The following BICRA variants were observed in gnomAD, a reference collection of about 807,000 sequenced individuals.
The protein encoded by BICRA is BRD4-interacting chromatin-remodeling complex-associated protein.
A neutral mutation model predicts 96.9 loss-of-function variants in BICRA; 31 were observed. The observed-to-expected ratio is 0.32, with a 90% CI of 0.24 to 0.43. The LOEUF (loss-of-function observed/expected upper bound fraction) is 0.43, where lower values mean the gene tolerates loss of function less well. Ranked by LOEUF, BICRA falls within the 20% of genes least tolerant of loss-of-function variation. BICRA has a pLI of 1.00. For synonymous variants in BICRA, 1,350 were observed against 1,071.8 expected (o/e 1.26, Z -5.07); for missense variants, 2,283 against 2,190.3 (o/e 1.04, Z -0.84).
At chr19:47,614,824 A>G (rs1293384166) in intron 1 of BICRA, among the ~76,000 whole-genome samples, 1 of 151,930 alleles carries the variant, frequency 6.6e-6, no homozygotes, top group African/African-American at 2.4e-5. Context: ...GTGTTTCCAA[A>G]GGTTTCTGTG....
At chr19:47,664,999 C>A (rs1483561271) in intron 1 of BICRA, among the ~76,000 whole-genome samples, 1 of 152,148 alleles carries the variant, frequency 6.6e-6, no homozygotes, top group Non-Finnish European at 1.5e-5. Context: ...TTTGGGTCCG[C>A]AACCCTGCAT....
At chr19:47,609,375 CCTT>C in intron 1 of BICRA, among the ~76,000 whole-genome samples, 1 of 82,624 alleles carries the variant, frequency 1.2e-5, no homozygotes, top group South Asian at 4.5e-4. Flanking sequence ...CCCGCTGCCT[CCTT>C]TTTTTTTTTT....
chr19:47,686,574 A>G (rs1451912703), intron 7 of BICRA, among the ~76,000 whole-genome samples: 2 of 151,750 alleles, frequency 1.3e-5, no homozygotes, highest in Non-Finnish European at 2.9e-5. Context: ...AGTTGAGACA[A>G]GGTTTCACCA....
chr19:47,665,965 A>G (rs1189670916), intron 1 of BICRA, among the ~76,000 whole-genome samples: 3 of 152,220 alleles, frequency 2.0e-5, no homozygotes. Context: ...CTGTGGCCCA[A>G]AAGCTCTGGG....
At chr19:47,651,866 C>T (rs146206067) in intron 1 of BICRA, among the ~76,000 whole-genome samples, 358 of 152,314 alleles carry the variant, frequency 2.4e-3, no homozygotes, top group Non-Finnish European at 4.4e-3. Context: ...AGCCAACCAG[C>T]GTTGGCTGAT....
At chr19:47,621,053 G>A (rs1029329058) in intron 1 of BICRA, among the ~76,000 whole-genome samples, 4 of 152,058 alleles carry the variant, frequency 2.6e-5, no homozygotes, top group Admixed American at 1.3e-4. Context: ...GTTCAAAGAG[G>A]GAATGAATGG....
At chr19:47,695,851 A>G (rs1973332531) in intron 10 of BICRA, among the ~76,000 whole-genome samples, 1 of 152,074 alleles carries the variant, frequency 6.6e-6, no homozygotes, top group Non-Finnish European at 1.5e-5. Context: ...CCGGAGACGG[A>G]GCAGATCAGG....
intron 8 of BICRA, 53 bp from the exon 9 acceptor site, chr19:47,694,846 AC>A: frequency 7.6e-7 from 1 of 1,308,792 alleles, no homozygotes; most frequent in Non-Finnish European, 1.0e-6. Flanking sequence ...GCGTCTGGAC[AC>A]CCCTACACCT....
At chr19:47,681,589 T>C (rs545778530) in intron 6 of BICRA, among the ~76,000 whole-genome samples, 1 of 152,102 alleles carries the variant, frequency 6.6e-6, no homozygotes, top group Non-Finnish European at 1.5e-5. Flanking sequence ...GGGTAGGCAC[T>C]GGCTGGGCTG....
At chr19:47,621,458 T>G (rs1438911839) in intron 1 of BICRA, among the ~76,000 whole-genome samples, 1 of 151,802 alleles carries the variant, frequency 6.6e-6, no homozygotes. Flanking sequence ...TATTTAAAAT[T>G]TTTTAGTCTT....
intron 1 of BICRA, among the ~76,000 whole-genome samples, chr19:47,644,426 C>CCCTCCCTCCCTT: frequency 7.0e-6 from 1 of 142,516 alleles, no homozygotes; most frequent in African/African-American, 2.6e-5. Context: ...CTTGCTTCCT[C>CCCTCCCTCCCTT]CCTCCCTCCC....
At position 47,699,023 on chromosome 19, in the gene BICRA, C is replaced by A; in HGVS notation, c.3456C>A (p.Leu1152=). The A allele has an allele frequency of 6.3e-7, 1 of 1,584,510 alleles. No homozygotes were observed. The highest frequency in any genetic ancestry group is 2.3e-5 in the East Asian group (1 of 43,016). ...TQLLKRTQAM[L]NKYRLLLLEE... is the part of the protein sequence containing the mutation. ...TGCTGAAACGCACCCAGGCCATGCT[C>A]AATAAATATCGGCTCCTGCTCCTGG... The change falls in exon 13 of 15, where the codon CTC becomes CTA. Residue 1152 remains leucine (L), a synonymous_variant. Coordinates refer to ENST00000594866, the MANE Select transcript of BICRA (RefSeq NM_001394372.1). The surrounding 1 kb of genome is among the most constrained non-coding windows in gnomAD (Gnocchi z 5.0).
chr19:47,625,844 G>T (rs751211002), intron 1 of BICRA, among the ~76,000 whole-genome samples: 1 of 152,066 alleles, frequency 6.6e-6, no homozygotes, highest in Non-Finnish European at 1.5e-5. Flanking sequence ...GAGGGAGGCC[G>T]TGGGGCTGTG....
chr19:47,626,615 C>T (rs1476556096), intron 1 of BICRA, among the ~76,000 whole-genome samples: 2 of 147,642 alleles, frequency 1.4e-5, no homozygotes, highest in Non-Finnish European at 3.0e-5. Flanking sequence ...GCCATGTTGC[C>T]CAGGGTGGTC....
In BICRA at chr19:47,679,483, C is replaced by A. The variant is rs1465956481; in HGVS notation, c.313C>A (p.Gln105Lys). ...CGCTGACCAGCCCTGTGACATCCTC[C>A]AGCAGAGCCTCCAAGAGGCCAACAT... ...GGADQPCDILQQSLQEANITE... is the reference protein window; with the variant it reads ...GGADQPCDILKQSLQEANITE... Residue 105 changes from glutamine to lysine, a missense_variant, in exon 6 of 15, where the codon CAG becomes AAG. By Grantham distance (53) the Gln-to-Lys change is moderately conservative (BLOSUM62 1). Transcript: ENST00000594866. The A allele has an allele frequency of 6.5e-7, 1 of 1,540,624 alleles. No individual in the cohort carries two copies. Among genetic ancestry groups the A allele is most frequent in the African/African-American group, 1.4e-5 (1 of 72,478 alleles).
intron 1 of BICRA, among the ~76,000 whole-genome samples, chr19:47,612,041 T>C (rs746631817): frequency 1.3e-5 from 2 of 151,984 alleles, no homozygotes; most frequent in African/African-American, 2.4e-5. Flanking sequence ...TGGCTAAATT[T>C]TGTATATTTA....
At chr19:47,691,248 A>G (rs569628200) in intron 7 of BICRA, among the ~76,000 whole-genome samples, 47 of 152,366 alleles carry the variant, frequency 3.1e-4, no homozygotes, top group Non-Finnish European at 5.3e-4. Flanking sequence ...GCTTCCCGCA[A>G]AGTGAGTGAC....
In BICRA at chr19:47,680,257, C is replaced by G. The variant is rs1301176645; in HGVS notation, c.1087C>G (p.Leu363Val). ...PKPAGVLPPK[L>V]YQLTPKPFAP... ...GCCCGCGGGGGTGCTGCCGCCCAAG[C>G]TCTACCAGCTGACGCCCAAGCCGTT... Residue 363 changes from leucine (L) to valine (V), a missense_variant, in exon 6 of 15, where the codon CTC (leucine) becomes GTC (valine). Leu to Val is a conservative substitution (Grantham distance 32, BLOSUM62 1). Transcript: ENST00000594866. The G allele has an allele frequency of 6.4e-7, 1 of 1,561,810 alleles. No homozygotes were observed. Among genetic ancestry groups the G allele is most frequent in the South Asian group, 1.2e-5 (1 of 86,192 alleles).
At chr19:47,627,416 C>T (rs891801143) in intron 1 of BICRA, among the ~76,000 whole-genome samples, 5 of 152,204 alleles carry the variant, frequency 3.3e-5, no homozygotes, top group Non-Finnish European at 5.9e-5. Flanking sequence ...CATAGGTCAA[C>T]GGAAATGCTG....
Sources: gnomAD v4.1 joint callset for allele counts (sites outside exome capture counted in the v4.1 genomes callset) on GRCh38, gnomAD v4.1.1 for gene constraint, Gnocchi (gnomAD v3.1) non-coding constraint, MANE v1.5 for transcripts, NCBI Gene and HGNC (gene_info 2026-07-23, HGNC 2026-07-21) for gene names.